The following AKAP19 variants were observed in gnomAD, a reference collection of about 807,000 sequenced individuals.
AKAP19 encodes the protein A-kinase anchoring protein 19.
the AKAP19 span, among the ~76,000 whole-genome samples, chr2:190,171,775 G>C: frequency 2.0e-5 from 3 of 152,106 alleles, no homozygotes; most frequent in Admixed American, 2.0e-4. Flanking sequence ...CTAAGTTTAT[G>C]GGGGGAAAAT....
At chr2:190,174,238 T>C in the AKAP19 span, among the ~76,000 whole-genome samples, 1 of 152,194 alleles carries the variant, frequency 6.6e-6, no homozygotes, top group Admixed American at 6.5e-5. Context: ...CACCCTTCTA[T>C]AGAAGTAAAT....
the AKAP19 span, among the ~76,000 whole-genome samples, chr2:190,110,367 A>G: frequency 7.2e-5 from 11 of 152,198 alleles, no homozygotes; most frequent in African/African-American, 2.7e-4. Flanking sequence ...TCAAATTTTC[A>G]CAGAGAATAA....
chr2:190,102,186 G>T, the AKAP19 span, among the ~76,000 whole-genome samples: 1 of 152,062 alleles, frequency 6.6e-6, no homozygotes, highest in African/African-American at 2.4e-5. Flanking sequence ...TGCAGCAAAA[G>T]CAGTCTTAAG....
the AKAP19 span, among the ~76,000 whole-genome samples, chr2:190,007,237 C>T: frequency 6.6e-6 from 1 of 152,160 alleles, no homozygotes; most frequent in Non-Finnish European, 1.5e-5. Context: ...AAATAGGAAT[C>T]ATTTCAAAGG....
At chr2:190,174,370 A>G in the AKAP19 span, among the ~76,000 whole-genome samples, 1 of 152,210 alleles carries the variant, frequency 6.6e-6, no homozygotes, top group East Asian at 1.9e-4. Flanking sequence ...AGCAGCGCAG[A>G]TTAAATACAG....
chr2:189,900,711 G>A, the AKAP19 span, among the ~76,000 whole-genome samples: 1 of 151,944 alleles, frequency 6.6e-6, no homozygotes, highest in African/African-American at 2.4e-5. Flanking sequence ...GACTCTCTGG[G>A]GCCAATGTCA....
chr2:190,081,218 C>G, the AKAP19 span, among the ~76,000 whole-genome samples: 1 of 151,878 alleles, frequency 6.6e-6, no homozygotes, highest in Non-Finnish European at 1.5e-5. Flanking sequence ...CCTCCCATCC[C>G]CCCATCCCCT....
At chr2:189,932,381 C>T in the AKAP19 span, among the ~76,000 whole-genome samples, 211 of 144,396 alleles carry the variant, frequency 1.5e-3, no homozygotes, top group African/African-American at 5.4e-3. Flanking sequence ...GCACTCCAGC[C>T]TGGGCGACTG....
At chr2:190,028,015 C>T in the AKAP19 span, among the ~76,000 whole-genome samples, 4 of 151,886 alleles carry the variant, frequency 2.6e-5, no homozygotes, top group African/African-American at 9.7e-5. Context: ...TTTTTAGTAA[C>T]CCCAAAAGAA....
the AKAP19 span, among the ~76,000 whole-genome samples, chr2:190,094,205 T>C: frequency 5.9e-5 from 9 of 152,212 alleles, no homozygotes; most frequent in African/African-American, 2.2e-4. Context: ...TCTCCATTTG[T>C]AGGGATTTTC....
chr2:190,109,379 AAG>A, the AKAP19 span, among the ~76,000 whole-genome samples: 1 of 152,050 alleles, frequency 6.6e-6, no homozygotes, highest in Non-Finnish European at 1.5e-5. Flanking sequence ...CAGTGTCAGA[AAG>A]AGAACTGTCA....
chr2:189,964,114 G>C, the AKAP19 span, among the ~76,000 whole-genome samples: 2 of 152,080 alleles, frequency 1.3e-5, no homozygotes, highest in Non-Finnish European at 2.9e-5. Context: ...TTAATCCATG[G>C]GCTACAGAAT....
chr2:190,062,627 G>A, the AKAP19 span: 3 of 1,600,070 alleles, frequency 1.9e-6, no homozygotes, highest in African/African-American at 4.0e-5. Context: ...CTTTTTTCTT[G>A]TTCTTGTTTC....
At chr2:189,900,633 A>C in the AKAP19 span, among the ~76,000 whole-genome samples, 2 of 151,950 alleles carry the variant, frequency 1.3e-5, no homozygotes. Flanking sequence ...TTAGAGTGTC[A>C]GTATTTTATT....
the AKAP19 span, among the ~76,000 whole-genome samples, chr2:190,197,075 C>G: frequency 6.6e-6 from 1 of 152,100 alleles, no homozygotes; most frequent in African/African-American, 2.4e-5. This position sits in a 1 kb window ranked among gnomAD's most constrained non-coding sequence, Gnocchi z 4.0. Context: ...AGGGAACTCT[C>G]TGGGGTCTCT....
chr2:189,996,666 T>G, the AKAP19 span, among the ~76,000 whole-genome samples: 11 of 152,340 alleles, frequency 7.2e-5, no homozygotes, highest in African/African-American at 2.4e-4. Flanking sequence ...GTTATAGAAC[T>G]CTGTTTTGTC....
chr2:189,963,268 C>T, the AKAP19 span, among the ~76,000 whole-genome samples: 5 of 150,248 alleles, frequency 3.3e-5, no homozygotes, highest in Non-Finnish European at 7.4e-5. Flanking sequence ...GATCTCCACT[C>T]ACTGCAAGCT....
At chr2:190,062,603 A>T in the AKAP19 span, 1 of 1,610,312 alleles carries the variant, frequency 6.2e-7, no homozygotes, top group Non-Finnish European at 8.5e-7. Flanking sequence ...GCATGATTTT[A>T]AAATCAATAT....
the AKAP19 span, among the ~76,000 whole-genome samples, chr2:190,033,672 C>T: frequency 6.6e-6 from 1 of 152,154 alleles, no homozygotes; most frequent in Non-Finnish European, 1.5e-5. Flanking sequence ...TTTTGCTTTG[C>T]TGCTTTTGTA....
Sources: gnomAD v4.1 joint callset for allele counts (sites outside exome capture counted in the v4.1 genomes callset) on GRCh38, gnomAD v4.1.1 for gene constraint, Gnocchi (gnomAD v3.1) non-coding constraint, MANE v1.5 for transcripts, NCBI Gene and HGNC (gene_info 2026-07-23, HGNC 2026-07-21) for gene names.